Variants in ERC1 observed in about 807,000 individuals in gnomAD.
ERC1 encodes RAB6 interacting protein 2.
Under a neutral mutation model 132.0 loss-of-function variants are expected in ERC1, and 56 were observed. That is an observed-to-expected ratio of 0.42 (90% CI 0.34 to 0.53). The LOEUF (loss-of-function observed/expected upper bound fraction) is 0.53, where lower values mean the gene tolerates loss of function less well. Among genes scored for constraint, ERC1 ranks in the 20% least tolerant of loss-of-function variants. The pLI, the probability that ERC1 is intolerant of heterozygous loss-of-function variation, is 0.03. For synonymous variants in ERC1, 478 were observed against 476.1 expected, an observed-to-expected ratio of 1.00 and a Z score of -0.05; for missense variants, 1,202 against 1,349.9, an observed-to-expected ratio of 0.89 and a Z score of 1.72.
rs1418794370 is a variant in ERC1 at position 1,493,943 on chromosome 12, A to T, written c.*3713A>T. 4.3e-6 allele frequency: 1 copy of T among 231,434 alleles called. No homozygotes were observed. The highest frequency in any genetic ancestry group is 8.5e-6 in the Non-Finnish European group (1 of 117,198). The allele number at this position is 231,434 out of a possible 1,614,324, so 14.3% of individuals were successfully genotyped here. ...CATCATGTGTCACCCCAAAATATAA[A>T]TGTTTCTGAGCCGCCCATCCACTGG... On this transcript the variant is annotated 3_prime_UTR_variant, in exon 19 of 19. Coordinates refer to ENST00000360905, the MANE Select transcript of ERC1 (RefSeq NM_178040.4).
intron 2 of ERC1, among the ~76,000 whole-genome samples, chr12:1,065,589 T>G (rs1939006380): frequency 1.9e-5 from 1 of 52,866 alleles, no homozygotes; most frequent in African/African-American, 7.3e-5. Flanking sequence ...GAGATTTCTT[T>G]TTTTGGGGCG....
chr12:1,296,492 C>T (rs1379877355), intron 15 of ERC1, among the ~76,000 whole-genome samples: 5 of 141,562 alleles, frequency 3.5e-5, no homozygotes, highest in Admixed American at 2.3e-4. Context: ...CGGCTCACTG[C>T]AACCTCCGCC....
chr12:1,028,690 T>C (rs1592789159), intron 2 of ERC1, 118 bp downstream of exon 2: 7 of 872,106 alleles, frequency 8.0e-6, no homozygotes, highest in Admixed American at 2.9e-5. Context: ...CTTTTTCCTA[T>C]TGATTTTACT....
intron 13 of ERC1, among the ~76,000 whole-genome samples, chr12:1,245,934 T>G (rs533337408): frequency 1.2e-4 from 18 of 152,286 alleles, no homozygotes; most frequent in African/African-American, 4.1e-4. Flanking sequence ...CAAAGTGATT[T>G]TTTTTTCTTT....
At chr12:1,164,286 T>TTTATG (rs2154262264) in intron 8 of ERC1, among the ~76,000 whole-genome samples, 19 of 108,692 alleles carry the variant, frequency 1.7e-4, no homozygotes, top group African/African-American at 5.4e-4. Flanking sequence ...TTTATGTTAT[T>TTTATG]TTATTTTGTT....
intron 12 of ERC1, among the ~76,000 whole-genome samples, chr12:1,227,874 T>C (rs532046752): frequency 6.6e-6 from 1 of 152,372 alleles, no homozygotes; most frequent in African/African-American, 2.4e-5. Flanking sequence ...TGCATGTAGA[T>C]ATCCAGTTTC....
In ERC1 at chr12:1,083,212, A is replaced by G. The variant is rs149655173; in HGVS notation, c.718A>G (p.Arg240Gly). 1 of 1,614,090 alleles carries G rather than the reference A, an allele frequency of 6.2e-7. No individual in the cohort carries two copies. The highest frequency in any genetic ancestry group is 8.5e-7 in the Non-Finnish European group (1 of 1,179,980). Residue 240 changes from arginine to glycine, a missense_variant, in exon 3 of 19, where the codon AGG (arginine) becomes GGG (glycine). Arg to Gly is a moderately radical substitution (Grantham distance 125). Transcript: ENST00000360905. ...QALQDELRIQ[R>G]DLNQLFQQDS... ...TCTCCAGGATGAATTGCGGATCCAG[A>G]GGGACCTGAATCAGCTGTTTCAGCA...
chr12:1,459,838 C>T (rs796892040), intron 18 of ERC1, among the ~76,000 whole-genome samples: 1 of 152,186 alleles, frequency 6.6e-6, no homozygotes, highest in African/African-American at 2.4e-5. Context: ...GCCTCTTCAT[C>T]ATAGGCACAG....
intron 16 of ERC1, among the ~76,000 whole-genome samples, chr12:1,399,968 GT>G (rs543278982): frequency 1.8e-4 from 28 of 152,280 alleles, no homozygotes; most frequent in African/African-American, 6.3e-4. Flanking sequence ...CTACCAAAAT[GT>G]TTTGCAAAGA....
At chr12:1,157,128 T>C (rs1233318588) in intron 8 of ERC1, among the ~76,000 whole-genome samples, 2 of 152,134 alleles carry the variant, frequency 1.3e-5, no homozygotes, top group South Asian at 2.1e-4. Context: ...AGAAAGGCTC[T>C]CACTCACTCT....
intron 1 of ERC1, among the ~76,000 whole-genome samples, chr12:995,054 C>G (rs1859654802): frequency 1.3e-5 from 2 of 150,648 alleles, no homozygotes; most frequent in African/African-American, 4.9e-5. Context: ...GGAGATCGTG[C>G]TATTGCACTC....
intron 11 of ERC1, 129 bp downstream of exon 11, chr12:1,183,550 A>G (rs1469539085): frequency 2.0e-6 from 1 of 493,254 alleles, no homozygotes; most frequent in African/African-American, 2.0e-5. Flanking sequence ...TACCATGTAT[A>G]TCTGAATTAA....
chr12:1,468,607 A>C (rs774666113), intron 18 of ERC1, among the ~76,000 whole-genome samples: 2 of 152,068 alleles, frequency 1.3e-5, no homozygotes, highest in African/African-American at 2.4e-5. Flanking sequence ...ATCAAAAAAG[A>C]AAGACAGAAA....
chr12:1,350,886 C>T (rs2084933349), intron 15 of ERC1, among the ~76,000 whole-genome samples: 1 of 152,182 alleles, frequency 6.6e-6, no homozygotes, highest in Non-Finnish European at 1.5e-5. Flanking sequence ...CACATGCAAA[C>T]AGGAGAACCT....
intron 11 of ERC1, among the ~76,000 whole-genome samples, chr12:1,184,528 A>G (rs1954854394): frequency 6.6e-6 from 1 of 152,194 alleles, no homozygotes; most frequent in African/African-American, 2.4e-5. Flanking sequence ...TGTGCTTATC[A>G]TTGAAATTTT....
intron 2 of ERC1, among the ~76,000 whole-genome samples, chr12:1,071,077 A>G (rs1815685325): frequency 6.6e-6 from 1 of 152,200 alleles, no homozygotes; most frequent in Non-Finnish European, 1.5e-5. Context: ...TGAATGTGGT[A>G]CTATCAGTTT....
intron 2 of ERC1, among the ~76,000 whole-genome samples, chr12:1,034,936 G>A (rs759433017): frequency 3.9e-5 from 6 of 152,150 alleles, no homozygotes; most frequent in Non-Finnish European, 7.3e-5. Context: ...GGTGAACACC[G>A]CCTTATCTAG....
At chr12:1,440,264 G>A (rs1384049418) in intron 17 of ERC1, among the ~76,000 whole-genome samples, 1 of 141,328 alleles carries the variant, frequency 7.1e-6, no homozygotes, top group Non-Finnish European at 1.5e-5. Flanking sequence ...GAGTGCAGTG[G>A]TGCCATCTCG....
intron 2 of ERC1, among the ~76,000 whole-genome samples, chr12:1,073,015 T>G (rs1940680866): frequency 6.6e-6 from 1 of 152,054 alleles, no homozygotes; most frequent in East Asian, 1.9e-4. Flanking sequence ...AAAAATAAAT[T>G]TTCAGGCCAG....
Sources: allele counts gnomAD v4.1 joint callset (sites outside exome capture counted in the v4.1 genomes callset), GRCh38; gene constraint gnomAD v4.1.1; transcripts MANE v1.5; gene names NCBI Gene and HGNC (gene_info 2026-07-23, HGNC 2026-07-21).